The following FANCC variants were observed in gnomAD, a reference collection of about 807,000 sequenced individuals.
The protein encoded by FANCC is Fanconi anemia group C protein.
Under a neutral mutation model 71.3 loss-of-function variants are expected in FANCC, and 55 were observed. That is an observed-to-expected ratio of 0.77 (90% confidence interval 0.62 to 0.97). The LOEUF is 0.97. FANCC is among the 50% of genes least tolerant of loss of function. The probability of loss-of-function intolerance (pLI) is 0.00; values close to 1 mark genes in which losing one functional copy is unlikely to be tolerated. For missense variants in FANCC, 678 were observed against 670.9 expected, an observed-to-expected ratio of 1.01 and a Z score of -0.12; for synonymous variants, 275 against 244.9, an observed-to-expected ratio of 1.12 and a Z score of -1.15.
chr9:95,307,669 TAGAC>T (rs1180012558), intron 1 of FANCC, among the ~76,000 whole-genome samples: 1 of 152,224 alleles, frequency 6.6e-6, no homozygotes, highest in East Asian at 1.9e-4. Context: ...GTAAAGCAAT[TAGAC>T]AGGCTTGTGG....
At chr9:95,111,034 C>A in intron 13 of FANCC, 1 of 1,453,324 alleles carries the variant, frequency 6.9e-7, no homozygotes, top group South Asian at 1.4e-5. Flanking sequence ...AGGAGACAGT[C>A]AAGATGGAAG....
At chr9:95,257,773 A>G (rs1831762394) in intron 1 of FANCC, among the ~76,000 whole-genome samples, 1 of 152,196 alleles carries the variant, frequency 6.6e-6, no homozygotes, top group African/African-American at 2.4e-5. Context: ...AACAAAATAG[A>G]TAGACCGCTA....
At chr9:95,252,340 G>C (rs552460412) in intron 1 of FANCC, among the ~76,000 whole-genome samples, 2 of 148,860 alleles carry the variant, frequency 1.3e-5, no homozygotes, top group African/African-American at 4.9e-5. Flanking sequence ...ACAAACTGAT[G>C]AATTTCTTAT....
chr9:95,253,538 T>C (rs1831480384), intron 1 of FANCC, among the ~76,000 whole-genome samples: 1 of 152,238 alleles, frequency 6.6e-6, no homozygotes, highest in African/African-American at 2.4e-5. Context: ...CCTCTACAGG[T>C]AAAGTGCATT....
At chr9:95,311,555 A>G (rs1203051251) in intron 1 of FANCC, among the ~76,000 whole-genome samples, 1 of 152,118 alleles carries the variant, frequency 6.6e-6, no homozygotes, top group African/African-American at 2.4e-5. Flanking sequence ...CCTTTTATTT[A>G]TTTATTTTTT....
chr9:95,203,266 G>A (rs760037530), intron 4 of FANCC, among the ~76,000 whole-genome samples: 1 of 151,430 alleles, frequency 6.6e-6, no homozygotes, highest in Non-Finnish European at 1.5e-5. Flanking sequence ...GGGCATGGTG[G>A]CATGTGCCTG....
chr9:95,313,999 T>C (rs918707777), intron 1 of FANCC, among the ~76,000 whole-genome samples: 1 of 152,192 alleles, frequency 6.6e-6, no homozygotes, highest in Non-Finnish European at 1.5e-5. Flanking sequence ...AAAGATTAAA[T>C]GTTTTCCCCC....
chr9:95,162,243 T>A (rs1588205613), intron 6 of FANCC, among the ~76,000 whole-genome samples: 1 of 152,234 alleles, frequency 6.6e-6, no homozygotes, highest in East Asian at 1.9e-4. Context: ...TCACTTTGCA[T>A]AATGTCCTTA....
chr9:95,114,458 A>G (rs912485144), intron 12 of FANCC, 171 bp downstream of exon 12: 18 of 718,516 alleles, frequency 2.5e-5, no homozygotes, highest in Non-Finnish European at 4.1e-5. Flanking sequence ...GCTCCAAGCC[A>G]TCCGTGCAGC....
intron 1 of FANCC, among the ~76,000 whole-genome samples, chr9:95,315,199 T>C (rs1350287348): frequency 2.6e-5 from 4 of 152,196 alleles, no homozygotes; most frequent in African/African-American, 9.7e-5. Flanking sequence ...TAGCCCCCAG[T>C]CCAACTCTGG....
chr9:95,191,350 T>C (rs1827099064), intron 4 of FANCC, among the ~76,000 whole-genome samples: 1 of 146,078 alleles, frequency 6.8e-6, no homozygotes, highest in Non-Finnish European at 1.5e-5. Context: ...TTTTTTTTTT[T>C]TTGAGACAGG....
chr9:95,293,442 C>G (rs1205928285), intron 1 of FANCC: 1 of 1,572,136 alleles, frequency 6.4e-7, no homozygotes, highest in Admixed American at 1.9e-5. Context: ...GAGCCTACTT[C>G]TTTTCTAAAT....
chr9:95,123,803 T>C, intron 10 of FANCC: 1 of 693,488 alleles, frequency 1.4e-6, no homozygotes, highest in East Asian at 2.8e-5. Context: ...CCACAAGGAC[T>C]GAACACCCCT....
intron 12 of FANCC, among the ~76,000 whole-genome samples, chr9:95,112,443 GA>G (rs1486848250): frequency 6.6e-6 from 1 of 152,164 alleles, no homozygotes. Flanking sequence ...CGCCTCCCTG[GA>G]CACTGCTGTC....
chr9:95,269,880 G>A (rs1227495774), intron 1 of FANCC, among the ~76,000 whole-genome samples: 1 of 152,008 alleles, frequency 6.6e-6, no homozygotes, highest in Non-Finnish European at 1.5e-5. Context: ...GAAATAAGGG[G>A]ACCCGGGGAA....
At chr9:95,156,121 TG>T (rs1168651799) in intron 6 of FANCC, among the ~76,000 whole-genome samples, 1 of 152,122 alleles carries the variant, frequency 6.6e-6, no homozygotes, top group Admixed American at 6.6e-5. Flanking sequence ...TTTTTGGTGT[TG>T]TTGTTGTTGT....
At chr9:95,132,154 C>T (rs1228162899) in intron 8 of FANCC, among the ~76,000 whole-genome samples, 2 of 152,276 alleles carry the variant, frequency 1.3e-5, no homozygotes, top group South Asian at 2.1e-4. Flanking sequence ...GACCCAGCTG[C>T]GGGCGGGCTC....
At chr9:95,220,233 G>C (rs1487371511) in intron 4 of FANCC, among the ~76,000 whole-genome samples, 6 of 152,180 alleles carry the variant, frequency 3.9e-5, no homozygotes, top group African/African-American at 1.4e-4. Context: ...TGCTGGAGAG[G>C]ATGTGGAGAA....
At chr9:95,258,777 A>G (rs964289844) in intron 1 of FANCC, among the ~76,000 whole-genome samples, 1 of 152,260 alleles carries the variant, frequency 6.6e-6, no homozygotes, top group Non-Finnish European at 1.5e-5. Context: ...ACATGATTGT[A>G]TATTTAGAAA....
Sources: allele counts gnomAD v4.1 joint callset (sites outside exome capture counted in the v4.1 genomes callset), GRCh38; gene constraint gnomAD v4.1.1; transcripts MANE v1.5; gene names NCBI Gene and HGNC (gene_info 2026-07-23, HGNC 2026-07-21).